LAMC1: variants seen among roughly 807,000 people sequenced by gnomAD.
LAMC1 encodes laminin subunit gamma 1.
A neutral mutation model predicts 173.6 loss-of-function variants in LAMC1; 38 were observed. The observed-to-expected ratio is 0.22, with a 90% CI of 0.17 to 0.29. The LOEUF is 0.29. Among genes scored for constraint, LAMC1 ranks in the 10% least tolerant of loss-of-function variants. The pLI is 1.00. For missense variants in LAMC1, 1,824 were observed against 2,051.8 expected (o/e 0.89, Z 2.14); for synonymous variants, 746 against 749.1 (o/e 1.00, Z 0.07).
In LAMC1 at chr1:183,114,699, C is replaced by T; in HGVS notation, c.1190C>T (p.Ser397Leu). 2 of 1,614,180 alleles carry T rather than the reference C, an allele frequency of 1.2e-6. No homozygotes were observed. Among genetic ancestry groups the T allele is most frequent in the Non-Finnish European group, 1.7e-6 (2 of 1,180,028 alleles). Residue 397 changes from serine (S) to leucine (L), a missense_variant, in exon 5 of 28, where the codon TCA (serine) becomes TTA (leucine). Coordinates refer to ENST00000258341, the MANE Select transcript of LAMC1 (RefSeq NM_002293.4). ...CTTGGCAACAATGAAGCCTGCTCTTCATGCCACTGTAGTCCTGTGGGTAAG... is the reference window on the plus strand; with the variant it reads ...CTTGGCAACAATGAAGCCTGCTCTTTATGCCACTGTAGTCCTGTGGGTAAG... ...FRLGNNEACS[S>L]CHCSPVGSLS...
At chr1:183,034,896 A>G (rs745927401) in intron 1 of LAMC1, among the ~76,000 whole-genome samples, 8 of 152,118 alleles carry the variant, frequency 5.3e-5, no homozygotes, top group Non-Finnish European at 1.2e-4. Context: ...CTTGAGAACT[A>G]TTGTTAGCCC....
intron 1 of LAMC1, among the ~76,000 whole-genome samples, chr1:183,078,292 A>G (rs1655171684): frequency 6.6e-6 from 1 of 152,186 alleles, no homozygotes; most frequent in South Asian, 2.1e-4. Context: ...AACCTTTAAC[A>G]GATGAGCTGG....
intron 1 of LAMC1, among the ~76,000 whole-genome samples, chr1:183,025,170 C>T (rs952397495): frequency 6.6e-6 from 1 of 152,150 alleles, no homozygotes; most frequent in Non-Finnish European, 1.5e-5. Flanking sequence ...CTGCCTCAAG[C>T]CATTCTTCTG....
chr1:183,071,479 G>A (rs1289693812), intron 1 of LAMC1, among the ~76,000 whole-genome samples: 1 of 152,152 alleles, frequency 6.6e-6, no homozygotes, highest in Non-Finnish European at 1.5e-5. Flanking sequence ...TTATTTGGAG[G>A]TTTGATATTT....
intron 1 of LAMC1, among the ~76,000 whole-genome samples, chr1:183,082,687 A>G (rs1179420728): frequency 1.3e-5 from 2 of 152,196 alleles, no homozygotes; most frequent in Non-Finnish European, 2.9e-5. Flanking sequence ...ATGTGCTTTC[A>G]TTATATTAGT....
intron 1 of LAMC1, among the ~76,000 whole-genome samples, chr1:183,092,707 A>G (rs1402471301): frequency 6.6e-6 from 1 of 152,192 alleles, no homozygotes; most frequent in East Asian, 1.9e-4. Context: ...GTGATCCTGA[A>G]AATGTATATT....
Position 183,078,702 on chromosome 1 carries a change from G to T in LAMC1, c.419-24626G>T, listed in dbSNP as rs188465335. 7.0e-4 allele frequency among the ~76,000 whole-genome samples: 106 copies of T among 151,970 alleles called. 1 individual carries two copies. Among genetic ancestry groups the T allele is most frequent in the Non-Finnish European group, 1.5e-4 (10 of 67,980 alleles). On this transcript the variant is annotated intron_variant, in intron 1 of 27. Transcript: ENST00000258341. ...CATGTAAGAAATTGTAATAATAGAA[G>T]CTTTAATAACATATAAAGAATATTG...
Position 183,117,585 on chromosome 1 carries a change from C to G in LAMC1, c.1739C>G (p.Ser580Cys), listed in dbSNP as rs867629404. The G allele has an allele frequency of 6.8e-6, 11 of 1,614,076 alleles. 1 individual carries two copies. The East Asian group carries it at 2.0e-4, about 29-fold the overall frequency. ...AGTTATGGTCAGAACCTCTCCTTCT[C>G]CTTTCGAGTGGACAGGCGAGATACT... The part of the protein sequence containing the change: ...VLSYGQNLSF[S>C]FRVDRRDTRL... The change falls in exon 10 of 28, where the codon TCC (serine) becomes TGC (cysteine). Residue 580 changes from serine to cysteine, a missense_variant. Ser to Cys is a moderately radical substitution (Grantham distance 112). Coordinates refer to ENST00000258341, the MANE Select transcript of LAMC1 (RefSeq NM_002293.4).
chr1:183,034,908 G>T (rs569089610), intron 1 of LAMC1, among the ~76,000 whole-genome samples: 1 of 152,140 alleles, frequency 6.6e-6, no homozygotes, highest in Non-Finnish European at 1.5e-5. Flanking sequence ...TGTTAGCCCC[G>T]GGGAAGAATA....
chr1:183,132,626 A>C (rs2102105812), intron 21 of LAMC1, 89 bp downstream of exon 21: 2 of 991,742 alleles, frequency 2.0e-6, no homozygotes, highest in Non-Finnish European at 3.1e-6. Flanking sequence ...TGGTGCATTC[A>C]GGGCATACAT....
At chr1:183,076,102 ATTTTGCCAGATC>A (rs1655114502) in intron 1 of LAMC1, among the ~76,000 whole-genome samples, 2 of 152,152 alleles carry the variant, frequency 1.3e-5, no homozygotes, top group African/African-American at 4.8e-5. Context: ...TCATTCTGTC[ATTTTGCCAGATC>A]TTATAGCAAT....
chr1:183,050,435 C>G (rs1385761987), intron 1 of LAMC1, among the ~76,000 whole-genome samples: 1 of 150,640 alleles, frequency 6.6e-6, no homozygotes, highest in African/African-American at 2.4e-5. Flanking sequence ...GCACCCGCTA[C>G]CATGCCTGGC....
At chr1:183,108,600 A>T (rs1336909155) in intron 3 of LAMC1, among the ~76,000 whole-genome samples, 194 bp downstream of exon 3, 2 of 152,306 alleles carry the variant, frequency 1.3e-5, no homozygotes, top group East Asian at 1.9e-4. Flanking sequence ...TCACTGTGAG[A>T]TCTTCTTGTT....
chr1:183,050,180 CCTAT>C (rs1366199900), intron 1 of LAMC1, among the ~76,000 whole-genome samples: 3 of 151,964 alleles, frequency 2.0e-5, no homozygotes, highest in Non-Finnish European at 4.4e-5. Flanking sequence ...TCTATTTAAC[CCTAT>C]CTCTTATTAG....
chr1:183,137,444 G>C (rs1656976881), intron 25 of LAMC1, among the ~76,000 whole-genome samples: 1 of 151,920 alleles, frequency 6.6e-6, no homozygotes, highest in African/African-American at 2.4e-5. Context: ...GGATACAAAT[G>C]AAAGTGCTAG....
rs1656649750 is a variant in LAMC1 at position 183,127,389 on chromosome 1, G to T, written c.3108G>T (p.Arg1036=). Residue 1036 remains arginine (R), a synonymous_variant, in exon 17 of 28, where the codon CGG becomes CGT. Transcript: ENST00000258341. ...PGCQECPACY[R]LVKDKVADHR... ...GCCAGGAATGTCCAGCTTGTTACCG[G>T]CTGGTAAAGGATAAGGTAAGCTGTC... The T allele has an allele frequency of 6.2e-7, 1 of 1,613,886 alleles. No individual in the cohort carries two copies. The highest frequency in any genetic ancestry group is 8.5e-7 in the Non-Finnish European group (1 of 1,179,950).
In LAMC1 at chr1:183,114,657, G is replaced by A. The variant is rs775446521; in HGVS notation, c.1148G>A (p.Arg383Gln). Residue 383 changes from arginine to glutamine, a missense_variant, in exon 5 of 28, where the codon CGA (arginine) becomes CAA (glutamine). Coordinates refer to ENST00000258341, the MANE Select transcript of LAMC1 (RefSeq NM_002293.4). ...GATGGCGCCCACTGTGAGAGGTGCC[G>A]AGAGAACTTCTTCCGCCTTGGCAAC... is the stretch of plus-strand genomic sequence containing the variant. ...NTDGAHCERC[R>Q]ENFFRLGNNE... is the part of the protein sequence containing the mutation. 23 of 1,614,060 alleles carry A rather than the reference G, an allele frequency of 1.4e-5. No individual in the cohort carries two copies. Among genetic ancestry groups the A allele is most frequent in the East Asian group, 2.2e-5 (1 of 44,902 alleles).
intron 1 of LAMC1, among the ~76,000 whole-genome samples, chr1:183,056,449 T>A (rs952566894): frequency 6.6e-6 from 1 of 152,180 alleles, no homozygotes; most frequent in Non-Finnish European, 1.5e-5. Context: ...GGTGTGTTTA[T>A]TATCCACCAG....
At position 183,116,789 on chromosome 1, in the gene LAMC1, C is replaced by G. The variant is rs1558053280; in HGVS notation, c.1450C>G (p.Leu484Val). ...CAGATGCAAACCTGGATTTTTTAATCTGGAATCATCTAATCCTCGGGGTTG... is the reference window on the plus strand; with the variant it reads ...CAGATGCAAACCTGGATTTTTTAATGTGGAATCATCTAATCCTCGGGGTTG... ...CERCKPGFFN[L>V]ESSNPRGCTP... Residue 484 changes from leucine to valine, a missense_variant, in exon 8 of 28, where the codon CTG becomes GTG. By Grantham distance (32) the Leu-to-Val change is conservative. Transcript: ENST00000258341. 11 of 1,613,974 alleles carry G rather than the reference C, an allele frequency of 6.8e-6. No individual in the cohort carries two copies. Among genetic ancestry groups the G allele is most frequent in the Non-Finnish European group, 9.3e-6 (11 of 1,179,908 alleles).
Sources: allele counts gnomAD v4.1 joint callset (sites outside exome capture counted in the v4.1 genomes callset), GRCh38; gene constraint gnomAD v4.1.1; transcripts MANE v1.5; gene names NCBI Gene and HGNC (gene_info 2026-07-23, HGNC 2026-07-21).